KLF8: variants seen among roughly 807,000 people sequenced by gnomAD.
KLF8 encodes KLF transcription factor 8.
KLF8 carries 10 observed loss-of-function variants against 18.2 expected under a neutral mutation model. The ratio of observed to expected loss-of-function variants is 0.55; its 90% CI spans 0.34 to 0.93. The LOEUF is 0.93. Among genes scored for constraint, KLF8 ranks in the 40% least tolerant of loss-of-function variants. KLF8 has a pLI of 0.02. For synonymous variants in KLF8, 109 were observed against 97.3 expected, an observed-to-expected ratio of 1.12 and a Z score of -0.71; for missense variants, 264 against 277.9, an observed-to-expected ratio of 0.95 and a Z score of 0.36.
At chrX:56,050,332 C>T in the KLF8 span, among the ~76,000 whole-genome samples, 1 of 111,461 alleles carries the variant, frequency 9.0e-6, no homozygotes, top group Non-Finnish European at 1.9e-5. Context: ...TTTGCTCTTG[C>T]TTTTCTAGTT....
the KLF8 span, among the ~76,000 whole-genome samples, chrX:55,966,825 G>A: frequency 2.6e-4 from 29 of 112,013 alleles, no homozygotes; most frequent in East Asian, 5.6e-3. Context: ...ATATGTGACC[G>A]TTCAGACAGA....
chrX:56,176,576 G>A, the KLF8 span, among the ~76,000 whole-genome samples: 5 of 110,541 alleles, frequency 4.5e-5, no homozygotes, highest in Non-Finnish European at 9.4e-5. Flanking sequence ...TGACAATTAT[G>A]TGTTTTGGAG....
the KLF8 span, among the ~76,000 whole-genome samples, chrX:56,079,238 G>T: frequency 4.5e-5 from 5 of 111,133 alleles, no homozygotes; most frequent in African/African-American, 6.6e-5. Flanking sequence ...GGATGTTAGG[G>T]TGTCAATTTT....
the KLF8 span, among the ~76,000 whole-genome samples, chrX:55,954,989 T>C: frequency 9.0e-6 from 1 of 111,557 alleles, no homozygotes; most frequent in Admixed American, 9.6e-5. Flanking sequence ...TAGTACTGTG[T>C]GTAAGAATAG....
chrX:56,165,875 C>T, the KLF8 span, among the ~76,000 whole-genome samples: 2 of 107,315 alleles, frequency 1.9e-5, no homozygotes, highest in Non-Finnish European at 3.8e-5. Context: ...AAAAAAAAAG[C>T]CTTCTTGAAT....
chrX:56,083,546 A>C, the KLF8 span, among the ~76,000 whole-genome samples: 9 of 111,906 alleles, frequency 8.0e-5, no homozygotes, highest in Non-Finnish European at 1.7e-4. Context: ...TTCAGTGCTC[A>C]CTAAAAGAAA....
chrX:56,046,889 T>C, the KLF8 span, among the ~76,000 whole-genome samples: 1 of 111,559 alleles, frequency 9.0e-6, no homozygotes, highest in Non-Finnish European at 1.9e-5. Context: ...TTCTTTGAGC[T>C]TTTATTTGGC....
At position 56,285,952 on chromosome X, in the gene KLF8, C is replaced by T. The variant is rs1243869826; in HGVS notation, c.*1458C>T. ...TTTTCTTTTCAACCCTGCTTGAATA[C>T]TTTAGGTTACTATTTCCTGAGGCTG... On this transcript the variant is annotated 3_prime_UTR_variant, in exon 6 of 6. Transcript: ENST00000468660. The T allele has an allele frequency of 9.0e-6, 1 of 110,547 alleles. No homozygotes were observed. The highest frequency in any genetic ancestry group is 3.3e-5 in the African/African-American group (1 of 30,304). 9.1% of individuals were successfully genotyped at this position (110,547 alleles called of 1,213,427 possible).
At chrX:56,164,178 G>T in the KLF8 span, among the ~76,000 whole-genome samples, 2 of 104,066 alleles carry the variant, frequency 1.9e-5, no homozygotes, top group African/African-American at 7.0e-5. Context: ...ATTCAAATAG[G>T]TTAGATTTCA....
At chrX:55,953,367 T>C in the KLF8 span, among the ~76,000 whole-genome samples, 2 of 111,001 alleles carry the variant, frequency 1.8e-5, no homozygotes, top group African/African-American at 6.5e-5. Flanking sequence ...ATTGTGTTCA[T>C]GGATGAGAAT....
chrX:56,022,416 G>T, the KLF8 span, among the ~76,000 whole-genome samples: 1 of 107,679 alleles, frequency 9.3e-6, no homozygotes, highest in Non-Finnish European at 1.9e-5. Flanking sequence ...CATGGTGGTG[G>T]CGGGTGCCTG....
At chrX:55,925,992 C>T in the KLF8 span, among the ~76,000 whole-genome samples, 4 of 111,634 alleles carry the variant, frequency 3.6e-5, no homozygotes, top group Admixed American at 9.5e-5. Flanking sequence ...CAAGCATTAT[C>T]CTTTGTGTTA....
At chrX:56,239,045 AG>A (rs2066513127) in intron 1 of KLF8, among the ~76,000 whole-genome samples, 1 of 112,125 alleles carries the variant, frequency 8.9e-6, no homozygotes, top group South Asian at 3.7e-4. Context: ...CCCACCTCAA[AG>A]CAAACCATTT....
chrX:55,956,438 T>A, the KLF8 span, among the ~76,000 whole-genome samples: 2 of 111,362 alleles, frequency 1.8e-5, no homozygotes, highest in African/African-American at 6.5e-5. Context: ...TACTAAATTA[T>A]GTGGTGCATT....
chrX:56,222,824 C>G, the KLF8 span, among the ~76,000 whole-genome samples: 523 of 113,130 alleles, frequency 4.6e-3, 21 homozygotes, highest in East Asian at 0.12. Flanking sequence ...CCGGGGCTAG[C>G]GGGGCTGGCC....
At position 56,287,158 on chromosome X, in the gene KLF8, G is replaced by A. The variant is rs1017847577; in HGVS notation, c.*2664G>A. The A allele has an allele frequency of 2.7e-5, 3 of 111,693 alleles. No individual in the cohort carries two copies. Among genetic ancestry groups the A allele is most frequent in the Non-Finnish European group, 5.6e-5 (3 of 53,111 alleles). 9.2% of individuals were successfully genotyped at this position (111,693 alleles called of 1,213,427 possible). ...AAATATTGGGGTCCCTGACATCTGA[G>A]CCTTTATCTAAAAATGTTTCTGTAA... On this transcript the variant is annotated 3_prime_UTR_variant, in exon 6 of 6. Coordinates refer to ENST00000468660, the MANE Select transcript of KLF8 (RefSeq NM_007250.5).
chrX:56,206,182 G>A, the KLF8 span, among the ~76,000 whole-genome samples: 10 of 111,070 alleles, frequency 9.0e-5, no homozygotes, highest in Admixed American at 2.9e-4. Flanking sequence ...ATTACAATTC[G>A]AGGTGAGATT....
chrX:56,120,046 T>TAA, the KLF8 span, among the ~76,000 whole-genome samples: 2 of 64,991 alleles, frequency 3.1e-5, no homozygotes, highest in Non-Finnish European at 9.2e-5. Context: ...TTTGGAAACT[T>TAA]TACTTTTAAC....
At position 56,290,897 on chromosome X, in the gene KLF8, T is replaced by C. The variant is rs1203650086; in HGVS notation, c.*6403T>C. ...GTTGGGGTGGGGTCAGGGGAAGAGA[T>C]ACTATTTTGTTAACTGTTAAAAGCT... On this transcript the variant is annotated 3_prime_UTR_variant, in exon 6 of 6. Transcript: ENST00000468660. 1.8e-5 allele frequency among the ~76,000 whole-genome samples: 2 copies of C among 111,572 alleles called. No individual in the cohort carries two copies. Among genetic ancestry groups the C allele is most frequent in the Non-Finnish European group, 3.8e-5 (2 of 53,085 alleles).
Sources: gnomAD v4.1 joint callset for allele counts (sites outside exome capture counted in the v4.1 genomes callset) on GRCh38, gnomAD v4.1.1 for gene constraint, MANE v1.5 for transcripts, NCBI Gene and HGNC (gene_info 2026-07-23, HGNC 2026-07-21) for gene names.